The following TPST2 variants were observed in gnomAD, a reference collection of about 807,000 sequenced individuals.
TPST2 encodes tyrosylprotein sulfotransferase 2, also known as protein-tyrosine sulfotransferase 2.
Under a neutral mutation model 27.8 loss-of-function variants are expected in TPST2, and 16 were observed. The ratio of observed to expected loss-of-function variants is 0.58; its 90% CI spans 0.39 to 0.88. The LOEUF (loss-of-function observed/expected upper bound fraction) is 0.88. Among genes scored for constraint, TPST2 ranks in the 40% least tolerant of loss-of-function variants. The probability of loss-of-function intolerance (pLI) is 0.00; values close to 1 mark genes in which losing one functional copy is unlikely to be tolerated. For synonymous variants in TPST2, 229 were observed against 231.7 expected (o/e 0.99, Z 0.10); for missense variants, 464 against 543.1 (o/e 0.85, Z 1.45).
rs576369190 is a variant in TPST2 at position 26,525,378 on chromosome 22, T to C, written c.*897A>G. 4 of 152,240 alleles carry C rather than the reference T, an allele frequency of 2.6e-5. No individual in the cohort carries two copies. The highest frequency in any genetic ancestry group is 9.6e-5 in the African/African-American group (4 of 41,540). The allele number at this position is 152,240 out of a possible 1,614,324, so 9.4% of individuals were successfully genotyped here. A position where few individuals can be genotyped will look rare whatever the true frequency, so the allele number is the denominator to read the frequency against. On this transcript the variant is annotated 3_prime_UTR_variant, in exon 7 of 7. Coordinates refer to ENST00000338754, the MANE Select transcript of TPST2 (RefSeq NM_003595.5). The stretch of plus-strand genomic sequence containing the variant: ...ACAGGTGCACACCACCACGCCCAGG[T>C]AATTTTTGTATTTTTAGTAGAGACG...
chr22:26,546,058 CAG>C (rs1253151382), intron 1 of TPST2, among the ~76,000 whole-genome samples: 2 of 128,714 alleles, frequency 1.6e-5, no homozygotes, highest in Non-Finnish European at 3.2e-5. Flanking sequence ...GTCTGGGCAA[CAG>C]AGCAAGACCA....
At chr22:26,542,818 G>A (rs571518657) in intron 2 of TPST2, among the ~76,000 whole-genome samples, 1 of 152,302 alleles carries the variant, frequency 6.6e-6, no homozygotes, top group East Asian at 1.9e-4. Context: ...AGGGTTTGGT[G>A]GAAGCCAGTG....
chr22:26,550,545 G>A, intron 1 of TPST2: 1 of 978,946 alleles, frequency 1.0e-6, no homozygotes, highest in Non-Finnish European at 1.2e-6. Flanking sequence ...GACAACAGCG[G>A]GGAGCTGGCA....
chr22:26,571,845 A>AT (rs1160245490), intron 1 of TPST2, among the ~76,000 whole-genome samples: 1 of 152,056 alleles, frequency 6.6e-6, no homozygotes, highest in Non-Finnish European at 1.5e-5. Flanking sequence ...AGTCCTGTGC[A>AT]TTACACTCAA....
chr22:26,531,151 C>T (rs1355786720), intron 5 of TPST2, among the ~76,000 whole-genome samples: 1 of 152,196 alleles, frequency 6.6e-6, no homozygotes, highest in East Asian at 1.9e-4. Context: ...GGCATACCCC[C>T]ACGCTCAGGA....
At chr22:26,571,776 C>T (rs1310979267) in intron 1 of TPST2, among the ~76,000 whole-genome samples, 44 of 152,240 alleles carry the variant, frequency 2.9e-4, no homozygotes, top group Non-Finnish European at 4.4e-5. Flanking sequence ...TGGAACAAGC[C>T]AGAAACCCAA....
rs765157243 is a variant in TPST2, at chr22:26,541,103, G to A, written c.528C>T (p.Ser176=). 45 of 1,607,242 alleles carry A rather than the reference G, an allele frequency of 2.8e-5. No individual in the cohort carries two copies. In the Admixed American group the frequency reaches 4.2e-4, roughly 15 times the overall value. ...SVYLSRLFPN[S]KFLLMVRDGR... is the part of the protein sequence containing the mutation. ...CGTCCCGCACCATCAGCAGGAACTT[G>A]GAGTTGGGGAACAGGCGCGACAGGT... Residue 176 remains serine, a synonymous_variant, in exon 3 of 7, where the codon TCC becomes TCT. Coordinates refer to ENST00000338754, the MANE Select transcript of TPST2 (RefSeq NM_003595.5). This position sits in a 1 kb window ranked among gnomAD's most constrained non-coding sequence, Gnocchi z 5.9.
chr22:26,530,899 C>T (rs745350719), intron 5 of TPST2, among the ~76,000 whole-genome samples: 2 of 151,978 alleles, frequency 1.3e-5, no homozygotes, highest in Non-Finnish European at 2.9e-5. Context: ...ATCCCAGCTA[C>T]TTGAGAGGCT....
chr22:26,537,214 C>T (rs966246770), intron 3 of TPST2, among the ~76,000 whole-genome samples: 14 of 152,220 alleles, frequency 9.2e-5, no homozygotes, highest in African/African-American at 3.4e-4. Flanking sequence ...CTGTGGAGCA[C>T]ACCACCTTCT....
intron 5 of TPST2, among the ~76,000 whole-genome samples, chr22:26,530,288 G>A (rs547757814): frequency 2.7e-4 from 41 of 152,122 alleles, no homozygotes; most frequent in African/African-American, 9.4e-4. Context: ...TACATTAGTT[G>A]CAATTGTATA....
At chr22:26,539,499 G>A (rs955991871) in intron 3 of TPST2, among the ~76,000 whole-genome samples, 2 of 151,810 alleles carry the variant, frequency 1.3e-5, no homozygotes, top group Admixed American at 1.3e-4. Context: ...AATAGGCCAG[G>A]GGCCTGTAAT....
intron 1 of TPST2, among the ~76,000 whole-genome samples, chr22:26,575,453 T>C (rs1927794892): frequency 6.9e-6 from 1 of 144,084 alleles, no homozygotes; most frequent in African/African-American, 2.6e-5. Flanking sequence ...AGAACACTTC[T>C]CAAAGACCAT....
chr22:26,553,060 C>CAAAAAAAAAAAAAAAAAAA (rs3037016), intron 1 of TPST2, among the ~76,000 whole-genome samples: 1 of 43,172 alleles, frequency 2.3e-5, no homozygotes, highest in Non-Finnish European at 4.0e-5. Flanking sequence ...AACTCCATCT[C>CAAAAAAAAAAAAAAAAAAA]AAAAAAAAAA....
intron 1 of TPST2, among the ~76,000 whole-genome samples, chr22:26,547,053 T>C (rs989988312): frequency 6.6e-6 from 1 of 152,126 alleles, no homozygotes; most frequent in Non-Finnish European, 1.5e-5. Context: ...AGAGGGCAAA[T>C]GAGAGGGAGA....
intron 1 of TPST2, among the ~76,000 whole-genome samples, chr22:26,567,374 T>C (rs903834526): frequency 3.3e-5 from 5 of 152,204 alleles, no homozygotes; most frequent in African/African-American, 1.2e-4. Flanking sequence ...AGCCTGGAAG[T>C]TGGTATACAG....
chr22:26,534,389 G>A (rs1342421304), intron 4 of TPST2, among the ~76,000 whole-genome samples: 2 of 152,148 alleles, frequency 1.3e-5, no homozygotes, highest in Admixed American at 6.5e-5. Flanking sequence ...CTTGTTGACC[G>A]CCCCAGGGAA....
Position 26,550,524 on chromosome 22 carries a change from G to T in TPST2, c.-160-5849C>A, listed in dbSNP as rs1926409661. 1.6e-5 allele frequency: 15 copies of T among 920,676 alleles called. No individual in the cohort carries two copies. The South Asian group carries it at 3.0e-4, about 18-fold the overall frequency. 57.0% of individuals were successfully genotyped at this position (920,676 alleles called of 1,614,324 possible). ...GTTCCCAAGAGAAAAGCGGCAGGGG[G>T]GCAGGGAGGGGACAACAGCGGGGAG... On this transcript the variant is annotated intron_variant, in intron 1 of 6. Transcript: ENST00000338754.
chr22:26,552,410 G>C (rs969795458), intron 1 of TPST2, among the ~76,000 whole-genome samples: 2 of 152,192 alleles, frequency 1.3e-5, no homozygotes, highest in African/African-American at 2.4e-5. Flanking sequence ...GGGAAACTGA[G>C]GCTTAGAGCG....
intron 1 of TPST2, among the ~76,000 whole-genome samples, chr22:26,569,558 G>C (rs1927518462): frequency 6.6e-6 from 1 of 152,176 alleles, no homozygotes; most frequent in Admixed American, 6.5e-5. Flanking sequence ...TGAGGCAAGA[G>C]GATCACTTCA....
Sources: gnomAD v4.1 joint callset for allele counts (sites outside exome capture counted in the v4.1 genomes callset) on GRCh38, gnomAD v4.1.1 for gene constraint, Gnocchi (gnomAD v3.1) non-coding constraint, MANE v1.5 for transcripts, NCBI Gene and HGNC (gene_info 2026-07-23, HGNC 2026-07-21) for gene names.